The following NAV3 variants were observed in gnomAD, a reference collection of about 807,000 sequenced individuals.
NAV3 encodes neuron navigator 3.
A neutral mutation model predicts 244.7 loss-of-function variants in NAV3; 87 were observed. The ratio of observed to expected loss-of-function variants is 0.36; its 90% CI spans 0.30 to 0.42. The LOEUF (loss-of-function observed/expected upper bound fraction) is 0.42. Among genes scored for constraint, NAV3 ranks in the 20% least tolerant of loss-of-function variants. The pLI is 1.00. For synonymous variants in NAV3, 1,126 were observed against 1,042.2 expected, an observed-to-expected ratio of 1.08 and a Z score of -1.55; for missense variants, 2,663 against 2,893.3, an observed-to-expected ratio of 0.92 and a Z score of 1.83.
At chr12:77,917,638 A>T (rs1480077725) in intron 1 of NAV3, among the ~76,000 whole-genome samples, 1 of 151,954 alleles carries the variant, frequency 6.6e-6, no homozygotes, top group Non-Finnish European at 1.5e-5. Context: ...TGAAAGCTAT[A>T]TTTTAATTTG....
intron 12 of NAV3, among the ~76,000 whole-genome samples, chr12:78,068,776 AT>A (rs765971032): frequency 3.4e-4 from 52 of 151,214 alleles, no homozygotes; most frequent in Non-Finnish European, 6.8e-4. Context: ...AGAGGGAGAA[AT>A]ATGTTTGGCT....
At chr12:78,121,899 C>T (rs2138675657) in intron 15 of NAV3, 41 bp from the exon 16 acceptor site, 1 of 1,603,706 alleles carries the variant, frequency 6.2e-7, no homozygotes, top group African/African-American at 1.3e-5. Context: ...TGGATATTAG[C>T]TTCTTGGAAC....
intron 28 of NAV3, among the ~76,000 whole-genome samples, chr12:78,178,008 G>T (rs1958319934): frequency 1.3e-5 from 2 of 149,530 alleles, no homozygotes; most frequent in Admixed American, 6.7e-5. Flanking sequence ...TGTATATTAT[G>T]TTTTTTTTTT....
chr12:78,171,033 AT>A (rs1957978955), intron 24 of NAV3, among the ~76,000 whole-genome samples: 1 of 151,734 alleles, frequency 6.6e-6, no homozygotes, highest in East Asian at 1.9e-4. Flanking sequence ...ACAGGGGTTT[AT>A]TTGAATTTTT....
intron 39 of NAV3, among the ~76,000 whole-genome samples, chr12:78,208,850 A>G (rs1960604287): frequency 6.6e-6 from 1 of 152,128 alleles, no homozygotes; most frequent in Non-Finnish European, 1.5e-5. Context: ...TATTTTACAG[A>G]TCAGTTTCAC....
intron 2 of NAV3, among the ~76,000 whole-genome samples, chr12:77,669,074 C>A (rs1873845741): frequency 6.6e-6 from 1 of 152,084 alleles, no homozygotes; most frequent in South Asian, 2.1e-4. Flanking sequence ...AGAAAAGATA[C>A]CGTGTTTCCC....
intron 2 of NAV3, among the ~76,000 whole-genome samples, chr12:77,705,732 G>T (rs140561072): frequency 6.6e-6 from 1 of 151,274 alleles, no homozygotes; most frequent in Non-Finnish European, 1.5e-5. Flanking sequence ...GCTTTCTAAC[G>T]GCTGGTAATT....
chr12:77,944,917 T>G (rs750342686), intron 3 of NAV3, among the ~76,000 whole-genome samples: 1 of 152,172 alleles, frequency 6.6e-6, no homozygotes, highest in Non-Finnish European at 1.5e-5. Flanking sequence ...GCAGAATGTG[T>G]AACATGCTGT....
chr12:77,692,287 T>C (rs1001809042), intron 2 of NAV3, among the ~76,000 whole-genome samples: 1 of 152,102 alleles, frequency 6.6e-6, no homozygotes, highest in Non-Finnish European at 1.5e-5. Context: ...ATTTTACATT[T>C]ATGATTTTAC....
At chr12:78,159,685 A>T (rs1957446657) in intron 23 of NAV3, among the ~76,000 whole-genome samples, 2 of 152,032 alleles carry the variant, frequency 1.3e-5, no homozygotes, top group Non-Finnish European at 2.9e-5. Context: ...ATAAAATAAT[A>T]TTCAATTCTA....
intron 12 of NAV3, among the ~76,000 whole-genome samples, chr12:78,073,448 G>A (rs2137673799): frequency 1.3e-5 from 2 of 151,902 alleles, no homozygotes; most frequent in East Asian, 3.9e-4. Flanking sequence ...TTGCTTCAAA[G>A]AGAATAAAAT....
At chr12:77,954,673 C>T (rs1483490726) in intron 3 of NAV3, among the ~76,000 whole-genome samples, 2 of 152,128 alleles carry the variant, frequency 1.3e-5, no homozygotes, top group Non-Finnish European at 2.9e-5. Context: ...AAATCATTTT[C>T]CCTGCTTCCA....
intron 12 of NAV3, among the ~76,000 whole-genome samples, chr12:78,062,560 C>T (rs894087824): frequency 2.6e-5 from 4 of 151,990 alleles, no homozygotes; most frequent in African/African-American, 9.7e-5. Flanking sequence ...ATTCAGTGCT[C>T]CATGAGCTTT....
intron 2 of NAV3, among the ~76,000 whole-genome samples, chr12:77,739,425 T>C (rs974678593): frequency 4.6e-5 from 7 of 152,174 alleles, no homozygotes; most frequent in Admixed American, 3.9e-4. Context: ...ATGTTTCTTC[T>C]TGAAGAGAAT....
At chr12:77,998,313 G>A in intron 6 of NAV3, 24 bp from the exon 7 acceptor site, 1 of 1,532,034 alleles carries the variant, frequency 6.5e-7, no homozygotes, top group Non-Finnish European at 8.7e-7. Flanking sequence ...CAATAATGAT[G>A]TAATTTTTCT....
At chr12:77,618,868 T>C (rs1204130823) in intron 2 of NAV3, among the ~76,000 whole-genome samples, 1 of 152,198 alleles carries the variant, frequency 6.6e-6, no homozygotes, top group African/African-American at 2.4e-5. Context: ...AATAAATGGA[T>C]TGTCAGTAGC....
intron 18 of NAV3, among the ~76,000 whole-genome samples, chr12:78,136,438 A>C (rs1956376479): frequency 6.6e-6 from 1 of 152,204 alleles, no homozygotes; most frequent in African/African-American, 2.4e-5. Context: ...TTTGGCAATA[A>C]GCAATAAGAA....
At chr12:77,679,495 A>AG (rs1199116294) in intron 2 of NAV3, among the ~76,000 whole-genome samples, 6 of 152,142 alleles carry the variant, frequency 3.9e-5, no homozygotes, top group African/African-American at 1.2e-4. Flanking sequence ...CACTTGTAGC[A>AG]GGGGTACATA....
intron 2 of NAV3, among the ~76,000 whole-genome samples, chr12:77,810,423 G>A (rs1283133726): frequency 3.9e-5 from 6 of 152,010 alleles, no homozygotes; most frequent in African/African-American, 4.8e-5. Flanking sequence ...CGCCCACCTC[G>A]GCCTCCCAAA....
Sources: allele counts gnomAD v4.1 joint callset (sites outside exome capture counted in the v4.1 genomes callset), GRCh38; gene constraint gnomAD v4.1.1; transcripts MANE v1.5; gene names NCBI Gene and HGNC (gene_info 2026-07-23, HGNC 2026-07-21).